The following USP1 variants were observed in gnomAD, a reference collection of about 807,000 sequenced individuals.
USP1 encodes the protein ubiquitin carboxyl-terminal hydrolase 1.
A neutral mutation model predicts 72.2 loss-of-function variants in USP1; 18 were observed. The observed-to-expected ratio is 0.25, with a 90% CI of 0.17 to 0.37. USP1 has a LOEUF of 0.37. Ranked by LOEUF, USP1 falls within the 10% of genes least tolerant of loss-of-function variation. The pLI is 1.00. For missense variants in USP1, 759 were observed against 884.9 expected (o/e 0.86, Z 1.81); for synonymous variants, 354 against 303.7 (o/e 1.17, Z -1.72).
At chr1:62,443,003 AAAAAAATAAAAAAT>A (rs1445227115) in intron 4 of USP1, among the ~76,000 whole-genome samples, 142 bp from the exon 5 acceptor site, 1 of 152,174 alleles carries the variant, frequency 6.6e-6, no homozygotes, top group African/African-American at 2.4e-5. Context: ...GTCTCAAAAT[AAAAAAATAAAAAAT>A]AAGGCTTATT....
chr1:62,448,029 G>A (rs966114578), intron 7 of USP1, among the ~76,000 whole-genome samples: 14 of 152,150 alleles, frequency 9.2e-5, no homozygotes, highest in Non-Finnish European at 1.6e-4. Context: ...CTCGTGATCC[G>A]CCCGCCTTGG....
At chr1:62,448,942 G>A (rs1482496708) in intron 8 of USP1, among the ~76,000 whole-genome samples, 1 of 151,956 alleles carries the variant, frequency 6.6e-6, no homozygotes, top group Non-Finnish European at 1.5e-5. Context: ...GAGTGTAGTG[G>A]CACAGCCTCA....
intron 7 of USP1, 118 bp from the exon 8 acceptor site, chr1:62,448,347 G>A: frequency 1.1e-6 from 1 of 944,430 alleles, no homozygotes; most frequent in African/African-American, 1.7e-5. Flanking sequence ...AATCTCTTTA[G>A]TTATTTAGGA....
chr1:62,442,251 T>G lies in USP1; in HGVS notation c.348T>G (p.Ile116Met). The change falls in exon 4 of 9, where the codon ATT (isoleucine) becomes ATG (methionine). Residue 116 changes from isoleucine to methionine, a missense_variant. By Grantham distance (10) the Ile-to-Met change is conservative. This residue lies in a region of USP1 where 71 missense variants were observed against 71.0 expected (regional missense o/e 1.00). Coordinates refer to ENST00000339950, the MANE Select transcript of USP1 (RefSeq NM_003368.5). ...KSGVKHLFNI[I>M]SRKKEALKDE... ...GAGTAAAGCACTTATTTAATATTAT[T>G]TCAAGGAAGAAAGAAGCTCTAAAGG... The G allele has an allele frequency of 1.2e-6, 2 of 1,605,936 alleles. No homozygotes were observed. Among genetic ancestry groups the G allele is most frequent in the Non-Finnish European group, 1.7e-6 (2 of 1,174,626 alleles).
intron 1 of USP1, among the ~76,000 whole-genome samples, chr1:62,437,995 C>T (rs1645103804): frequency 6.6e-6 from 1 of 151,948 alleles, no homozygotes; most frequent in African/African-American, 2.4e-5. Context: ...GTGCTTTCTG[C>T]GAAAGTTGAT....
chr1:62,443,917 C>T (rs953452975), intron 5 of USP1, among the ~76,000 whole-genome samples: 11 of 152,118 alleles, frequency 7.2e-5, no homozygotes, highest in Non-Finnish European at 1.3e-4. Context: ...ATCACTTAAG[C>T]ATTTAGTTTA....
Position 62,445,241 on chromosome 1 carries a change from A to G in USP1, c.1061A>G (p.Lys354Arg). ...SATKQPSILS[K>R]FCSLGKITTN... ...ACTAAGCAACCCAGCATTCTTTCTA[A>G]ATTTTGTAGTCTGGGAAAAATAACA... Residue 354 changes from lysine (K) to arginine (R), a missense_variant, in exon 6 of 9, where the codon AAA becomes AGA. Lys to Arg is a conservative substitution (Grantham distance 26). Transcript: ENST00000339950. 6.2e-7 allele frequency: 1 copy of G among 1,611,712 alleles called. No individual in the cohort carries two copies. Among genetic ancestry groups the G allele is most frequent in the Non-Finnish European group, 8.5e-7 (1 of 1,179,386 alleles).
At chr1:62,443,078 T>C (rs1645144659) in intron 4 of USP1, 81 bp from the exon 5 acceptor site, 1 of 1,439,016 alleles carries the variant, frequency 6.9e-7, no homozygotes, top group Non-Finnish European at 9.4e-7. Context: ...AATCTAGTAT[T>C]CTTAAGTGAG....
rs758405283 is a variant in USP1 at position 62,450,904 on chromosome 1, A to G, written c.2281A>G (p.Lys761Glu). ...TTCTGAAGTCAAAGTTACTGAAGAG[A>G]AGGACTTTCTGAATTCTCTTTCCCC... is the stretch of plus-strand genomic sequence containing the variant. ...DDSEVKVTEE[K>E]DFLNSLSPST... The change falls in exon 9 of 9, where the codon AAG (lysine) becomes GAG (glutamate). Residue 761 changes from lysine (K) to glutamate (E), a missense_variant. Physicochemically the swap from Lys to Glu is moderately conservative, Grantham distance 56 (BLOSUM62 1). This residue lies in a region of USP1 where 7 missense variants were observed against 24.0 expected (regional missense o/e 0.29). Coordinates refer to ENST00000339950, the MANE Select transcript of USP1 (RefSeq NM_003368.5). The G allele has an allele frequency of 3.2e-5, 51 of 1,613,862 alleles. No individual in the cohort carries two copies. The highest frequency in any genetic ancestry group is 4.1e-5 in the Non-Finnish European group (48 of 1,179,934).
At chr1:62,445,621 CAT>C (rs1028239105) in intron 6 of USP1, among the ~76,000 whole-genome samples, 192 bp downstream of exon 6, 7 of 127,492 alleles carry the variant, frequency 5.5e-5, no homozygotes, top group Non-Finnish European at 8.1e-5. Flanking sequence ...ATATTGTATG[CAT>C]ATATATGTGT....
chr1:62,437,433 C>G, intron 1 of USP1, 33 bp downstream of exon 1: 1 of 353,786 alleles, frequency 2.8e-6, no homozygotes, highest in Non-Finnish European at 5.1e-6. Flanking sequence ...GGCCGGCTCC[C>G]GGGCGCGGGG....
intron 1 of USP1, among the ~76,000 whole-genome samples, chr1:62,437,616 C>G (rs1336663606): frequency 6.6e-6 from 1 of 151,820 alleles, no homozygotes; most frequent in East Asian, 1.9e-4. Flanking sequence ...TAGGCCAACT[C>G]CGCGGCGAGG....
chr1:62,445,141 T>G lies in USP1; in HGVS notation c.961T>G (p.Tyr321Asp), dbSNP rs748267815. 4 of 1,613,522 alleles carry G rather than the reference T, an allele frequency of 2.5e-6. No individual in the cohort carries two copies. The highest frequency in any genetic ancestry group is 3.4e-6 in the Non-Finnish European group (4 of 1,179,874). Residue 321 changes from tyrosine (Y) to aspartate (D), a missense_variant, in exon 6 of 9, where the codon TAT (tyrosine) becomes GAT (aspartate). This residue lies in a region of USP1 where 245 missense variants were observed against 240.7 expected (regional missense o/e 1.02). Transcript: ENST00000339950. Reference sequence around the variant, plus strand: ...GAGTCCTCCTAAAATAATTCCCAAGTATATTTCTGAAAATGAGAGTCCAAG... The same window carrying G: ...GAGTCCTCCTAAAATAATTCCCAAGGATATTTCTGAAAATGAGAGTCCAAG... ...LESPPKIIPK[Y>D]ISENESPRPS... is the part of the protein sequence containing the mutation.
rs1645094827 is a variant in USP1, at chr1:62,437,221, C to T, written c.-249C>T. 2.5e-6 allele frequency: 1 copy of T among 398,072 alleles called. No individual in the cohort carries two copies. Among genetic ancestry groups the T allele is most frequent in the South Asian group, 1.3e-4 (1 of 7,716 alleles). The allele number at this position is 398,072 out of a possible 1,614,324, so 24.7% of individuals were successfully genotyped here. On this transcript the variant is annotated 5_prime_UTR_variant, in exon 1 of 9. Transcript: ENST00000339950. ...GTGCAAGACGGGAGCGAGCGGCGGT[C>T]GGGGTTCCCGCTCTTGGGAGCGGAT...
intron 6 of USP1, 89 bp from the exon 7 acceptor site, chr1:62,447,252 A>G (rs930236734): frequency 2.8e-5 from 35 of 1,249,700 alleles, no homozygotes; most frequent in Non-Finnish European, 3.4e-5. Flanking sequence ...GTTATTCATG[A>G]TATACTTTAT....
upstream of USP1, chr1:62,436,961 G>A (rs1571125877): frequency 2.5e-6 from 1 of 396,354 alleles, no homozygotes; most frequent in South Asian, 1.4e-4. Flanking sequence ...GCAGCGTGGA[G>A]ACTGGAACCG....
At chr1:62,449,111 T>G (rs571555564) in intron 8 of USP1, among the ~76,000 whole-genome samples, 2 of 152,300 alleles carry the variant, frequency 1.3e-5, no homozygotes, top group Admixed American at 1.3e-4. Context: ...CTTGAACTTC[T>G]GGACTCAAGC....
At chr1:62,447,551 AT>A in intron 7 of USP1, 40 bp downstream of exon 7, 2 of 1,572,846 alleles carry the variant, frequency 1.3e-6, no homozygotes, top group Non-Finnish European at 1.7e-6. Flanking sequence ...ATGATGGAAT[AT>A]TTATAATTCT....
In USP1 at chr1:62,445,571, T is replaced by TG. The variant is rs1366294801; in HGVS notation, c.1249+144dup. The TG allele has an allele frequency of 5.3e-6, 4 of 750,618 alleles. No homozygotes were observed. In the African/African-American group the frequency reaches 7.1e-5, roughly 13 times the overall value. 46.5% of individuals were successfully genotyped at this position (750,618 alleles called of 1,614,324 possible). On this transcript the variant is annotated intron_variant, in intron 6 of 8. Transcript: ENST00000339950. Reference sequence around the variant, plus strand: ...GAAATTTAACACTGAATGTGAACTATGGTGTTTTAAGTGCTATGCTTAGAT... The same window carrying TG: ...GAAATTTAACACTGAATGTGAACTATGGGTGTTTTAAGTGCTATGCTTAGAT...
Sources: gnomAD v4.1 joint callset for allele counts (sites outside exome capture counted in the v4.1 genomes callset) on GRCh38, gnomAD v4.1.1 for gene constraint, gnomAD v4.1.1 regional missense constraint, MANE v1.5 for transcripts, NCBI Gene and HGNC (gene_info 2026-07-23, HGNC 2026-07-21) for gene names.